The following ADARB2 variants were observed in gnomAD, a reference collection of about 807,000 sequenced individuals.
The protein encoded by ADARB2 is adenosine deaminase RNA specific B2 (inactive), also known as inactive double-stranded RNA-specific editase B2.
In ADARB2, 25 loss-of-function variants were observed where a neutral mutation model predicts 62.2. The ratio of observed to expected loss-of-function variants is 0.40; its 90% CI spans 0.29 to 0.56. ADARB2 has a LOEUF of 0.56. ADARB2 is among the 20% of genes least tolerant of loss of function. The pLI is 0.43. For synonymous variants in ADARB2, 572 were observed against 500.8 expected, an observed-to-expected ratio of 1.14 and a Z score of -1.90; for missense variants, 1,071 against 1,077.4, an observed-to-expected ratio of 0.99 and a Z score of 0.08.
intron 1 of ADARB2, among the ~76,000 whole-genome samples, chr10:1,458,303 C>T (rs541152569): frequency 1.3e-5 from 2 of 152,296 alleles, no homozygotes; most frequent in South Asian, 2.1e-4. Context: ...TGCTGTCAAT[C>T]TCCTGGCCCT....
In ADARB2 at chr10:1,405,083, G is replaced by A. The variant is rs78912411; in HGVS notation, c.101-25923C>T. 7.1e-3 allele frequency among the ~76,000 whole-genome samples: 1,089 copies of A among 152,310 alleles called. 11 individuals are homozygous for A. The highest frequency in any genetic ancestry group is 0.013 in the Non-Finnish European group (874 of 68,022). On this transcript the variant is annotated intron_variant, in intron 1 of 9. Coordinates refer to ENST00000381312, the MANE Select transcript of ADARB2 (RefSeq NM_018702.4). ...TCCGAGGGCTCCCAGAGCCTGTGGG[G>A]TCATGCGGGGGCCCAGCTGACAAAC...
intron 8 of ADARB2, among the ~76,000 whole-genome samples, chr10:1,190,953 G>T (rs919948555): frequency 6.6e-6 from 1 of 152,228 alleles, no homozygotes; most frequent in African/African-American, 2.4e-5. Flanking sequence ...GCGCTCTTCC[G>T]GAGGAGGGGC....
chr10:1,471,982 T>A (rs1341766055), intron 1 of ADARB2, among the ~76,000 whole-genome samples: 1 of 152,202 alleles, frequency 6.6e-6, no homozygotes, highest in African/African-American at 2.4e-5. Flanking sequence ...ATTTAACTAC[T>A]TACACATCAA....
intron 1 of ADARB2, among the ~76,000 whole-genome samples, chr10:1,547,056 G>C (rs1832531725): frequency 6.6e-6 from 1 of 152,246 alleles, no homozygotes; most frequent in South Asian, 2.1e-4. Context: ...CGGGACGCGG[G>C]TGGGAGGCCT....
chr10:1,218,819 C>T (rs927619899), intron 6 of ADARB2, among the ~76,000 whole-genome samples: 7 of 151,540 alleles, frequency 4.6e-5, no homozygotes, highest in East Asian at 1.9e-4. Context: ...CAGAGGCGGG[C>T]GGATCACGAG....
chr10:1,247,659 G>A (rs906373817), intron 4 of ADARB2, among the ~76,000 whole-genome samples: 3 of 152,186 alleles, frequency 2.0e-5, no homozygotes, highest in Admixed American at 6.5e-5. Flanking sequence ...GTTGAAGACT[G>A]CGAGCAAAAA....
At chr10:1,544,643 C>T (rs2131972028) in intron 1 of ADARB2, among the ~76,000 whole-genome samples, 1 of 152,098 alleles carries the variant, frequency 6.6e-6, no homozygotes, top group South Asian at 2.1e-4. Flanking sequence ...AGGTACAGAC[C>T]CTGCTCTTAC....
At position 1,330,642 on chromosome 10, in the gene ADARB2, C is replaced by A. The variant is rs574127923; in HGVS notation, c.1077+32386G>T. Among the ~76,000 whole-genome samples the A allele has an allele frequency of 4.3e-3, 655 of 152,284 alleles. 8 individuals carry two copies. The highest frequency in any genetic ancestry group is 6.7e-3 in the Non-Finnish European group (453 of 67,998). On this transcript the variant is annotated intron_variant, in intron 3 of 9. Coordinates refer to ENST00000381312, the MANE Select transcript of ADARB2 (RefSeq NM_018702.4). ...GAAGGTTCCAGATGAAATGCTTAAA[C>A]CCTTAGAAGAAAGCACAGAAGTAAA...
At chr10:1,567,969 C>G (rs530186362) in intron 1 of ADARB2, among the ~76,000 whole-genome samples, 12 of 152,178 alleles carry the variant, frequency 7.9e-5, no homozygotes, top group African/African-American at 2.9e-4. Context: ...ACGGCATCAC[C>G]CCATCTGGAG....
At chr10:1,352,271 G>T (rs1832151146) in intron 3 of ADARB2, among the ~76,000 whole-genome samples, 1 of 152,046 alleles carries the variant, frequency 6.6e-6, no homozygotes, top group Non-Finnish European at 1.5e-5. Context: ...CCTAGGCATG[G>T]TTAGATACTT....
intron 1 of ADARB2, among the ~76,000 whole-genome samples, chr10:1,510,030 TTTC>T (rs1831902204): frequency 2.6e-5 from 3 of 113,890 alleles, no homozygotes; most frequent in Non-Finnish European, 4.3e-5. Flanking sequence ...CTTTTTTCTC[TTTC>T]TTTCTTTTCT....
chr10:1,321,924 A>C (rs996936364), intron 3 of ADARB2, among the ~76,000 whole-genome samples: 2 of 150,814 alleles, frequency 1.3e-5, no homozygotes, highest in South Asian at 4.3e-4. Flanking sequence ...ATGAATGAGA[A>C]GGGGAGGAGA....
rs755728511 is a variant in ADARB2, at chr10:1,379,175, A to G, written c.101-15T>C. ...GCTTACTTTATCTGGAAAGAAAAGA[A>G]CAGGAAATGCACTTTTGACATGGAG... On this transcript the variant is annotated splice_polypyrimidine_tract_variant and intron_variant, in intron 1 of 9. Transcript: ENST00000381312. The G allele has an allele frequency of 3.1e-6, 5 of 1,590,040 alleles. No individual in the cohort carries two copies. The East Asian group carries it at 8.9e-5, about 28-fold the overall frequency.
intron 3 of ADARB2, among the ~76,000 whole-genome samples, chr10:1,295,346 T>G (rs1019707964): frequency 2.0e-5 from 3 of 152,126 alleles, no homozygotes; most frequent in African/African-American, 4.8e-5. Context: ...GAAGATATGC[T>G]GGGGTTACAG....
intron 7 of ADARB2, among the ~76,000 whole-genome samples, chr10:1,211,784 A>G (rs185608982): frequency 1.7e-4 from 26 of 152,356 alleles, no homozygotes; most frequent in Non-Finnish European, 3.5e-4. Flanking sequence ...TATTTCCACC[A>G]CACAGATATA....
chr10:1,586,252 G>A (rs1833179356), intron 1 of ADARB2, among the ~76,000 whole-genome samples: 1 of 152,136 alleles, frequency 6.6e-6, no homozygotes, highest in African/African-American at 2.4e-5. Flanking sequence ...GCCACAAAAA[G>A]TCCAACCCAG....
intron 1 of ADARB2, among the ~76,000 whole-genome samples, chr10:1,429,560 C>T (rs968657964): frequency 6.6e-6 from 1 of 152,188 alleles, no homozygotes; most frequent in African/African-American, 2.4e-5. Context: ...TTATTGCTCT[C>T]TCTGGTACAC....
intron 1 of ADARB2, among the ~76,000 whole-genome samples, chr10:1,530,091 C>T (rs904329526): frequency 1.3e-5 from 2 of 152,030 alleles, no homozygotes; most frequent in Non-Finnish European, 2.9e-5. Flanking sequence ...TACCTGTCCA[C>T]TGCCCCTGCC....
chr10:1,494,944 CAT>C (rs1472820987), intron 1 of ADARB2, among the ~76,000 whole-genome samples: 1 of 152,150 alleles, frequency 6.6e-6, no homozygotes, highest in East Asian at 1.9e-4. Context: ...TTGCTAAAAA[CAT>C]AAAAGATTTA....
Sources: allele counts gnomAD v4.1 joint callset (sites outside exome capture counted in the v4.1 genomes callset), GRCh38; gene constraint gnomAD v4.1.1; transcripts MANE v1.5; gene names NCBI Gene and HGNC (gene_info 2026-07-23, HGNC 2026-07-21).